The following HMGB1 variants were observed in gnomAD, a reference collection of about 807,000 sequenced individuals.
The protein encoded by HMGB1 is high mobility group box 1, also known as high mobility group protein B1.
For missense variants in HMGB1, 79 were observed against 253.5 expected (o/e 0.31, Z 4.67); for synonymous variants, 81 against 84.0 (o/e 0.96, Z 0.19).
At chr13:30,481,560 G>A (rs945982746) in intron 1 of HMGB1, among the ~76,000 whole-genome samples, 3 of 152,238 alleles carry the variant, frequency 2.0e-5, no homozygotes, top group African/African-American at 7.2e-5. Context: ...TTTCTAAATT[G>A]AGATGCCAAT....
At chr13:30,615,952 G>A (rs1162702309) in intron 1 of HMGB1, among the ~76,000 whole-genome samples, 2 of 152,182 alleles carry the variant, frequency 1.3e-5, no homozygotes, top group Non-Finnish European at 2.9e-5. Flanking sequence ...CTGCTGACAA[G>A]CGATGGACGC....
At chr13:30,505,152 T>TATATATA (rs1566008738) in intron 1 of HMGB1, among the ~76,000 whole-genome samples, 8 of 80,594 alleles carry the variant, frequency 9.9e-5, no homozygotes, top group Middle Eastern at 9.5e-3. Context: ...ATATATATAT[T>TATATATA]TATATATTTG....
chr13:30,472,388 G>C (rs1242433025), intron 1 of HMGB1, among the ~76,000 whole-genome samples: 2 of 152,102 alleles, frequency 1.3e-5, no homozygotes, highest in African/African-American at 4.8e-5. Flanking sequence ...ATAACTTAAG[G>C]TCAGGGGTTT....
chr13:30,553,454 T>C (rs1461190297), intron 1 of HMGB1, among the ~76,000 whole-genome samples: 2 of 152,226 alleles, frequency 1.3e-5, no homozygotes, highest in Non-Finnish European at 2.9e-5. Flanking sequence ...TCAGCCTCAC[T>C]CTCTTCACTT....
intron 1 of HMGB1, among the ~76,000 whole-genome samples, chr13:30,521,979 T>C (rs965685292): frequency 1.3e-5 from 2 of 152,250 alleles, no homozygotes; most frequent in Non-Finnish European, 2.9e-5. Context: ...ACCTGCATTT[T>C]CTCATTTGAT....
chr13:30,560,426 C>T (rs1252980837), intron 1 of HMGB1, among the ~76,000 whole-genome samples: 3 of 152,146 alleles, frequency 2.0e-5, no homozygotes, highest in Non-Finnish European at 4.4e-5. Context: ...GTTGAGTCAT[C>T]AAGCAGGCAT....
At chr13:30,542,595 C>T (rs1455461979) in intron 1 of HMGB1, 1 of 162,746 alleles carries the variant, frequency 6.1e-6, no homozygotes, top group Non-Finnish European at 1.3e-5. Flanking sequence ...CGGCCAATCT[C>T]TCTTCCTCTC....
intron 1 of HMGB1, among the ~76,000 whole-genome samples, chr13:30,605,931 C>T (rs1233959571): frequency 6.6e-6 from 1 of 152,120 alleles, no homozygotes; most frequent in African/African-American, 2.4e-5. Context: ...TAAAATAAGT[C>T]CATTCTCCTA....
intron 1 of HMGB1, among the ~76,000 whole-genome samples, chr13:30,492,994 C>CAAAAAAAA (rs1022752871): frequency 7.4e-5 from 3 of 40,422 alleles, no homozygotes; most frequent in African/African-American, 1.0e-4. Context: ...GACTACATCT[C>CAAAAAAAA]AAAAAAAAAA....
intron 1 of HMGB1, among the ~76,000 whole-genome samples, chr13:30,557,493 C>T (rs78166122): frequency 0.066 from 10,097 of 152,270 alleles, 1,115 homozygotes; most frequent in African/African-American, 0.23. Context: ...CATGTCTCTG[C>T]GGCCCAGTGC....
Position 30,586,646 on chromosome 13 carries a change from C to T in HMGB1, c.-15+30025G>A, listed in dbSNP as rs559480436. Among the ~76,000 whole-genome samples the T allele has an allele frequency of 1.6e-4, 24 of 152,010 alleles. No individual in the cohort carries two copies. The South Asian group carries it at 1.9e-3, about 12-fold the overall frequency. ...GGATTACAGGTGTGTGCCACCATAC[C>T]CAGCTAATTTTTCTATTTTAGTAGA... On this transcript the variant is annotated intron_variant, in intron 1 of 4. Coordinates refer to the HMGB1 transcript ENST00000405805.
intron 1 of HMGB1, among the ~76,000 whole-genome samples, chr13:30,604,530 C>T (rs1173490305): frequency 6.6e-6 from 1 of 152,134 alleles, no homozygotes; most frequent in African/African-American, 2.4e-5. Flanking sequence ...GCCCTTCCCC[C>T]AACATTGCTG....
chr13:30,524,118 C>T lies in HMGB1; in HGVS notation c.-14-60424G>A, dbSNP rs151122879. Among the ~76,000 whole-genome samples, 588 of 151,900 alleles carry T rather than the reference C, an allele frequency of 3.9e-3. 3 individuals are homozygous for T. Among genetic ancestry groups the T allele is most frequent in the Non-Finnish European group, 6.5e-3 (443 of 67,972 alleles). On this transcript the variant is annotated intron_variant, in intron 1 of 4. Transcript: ENST00000405805. ...AAACCAAACACCACATGCTCTCACTCGTAAGGGGGAGTTGAACAATGAGAA... is the reference window on the plus strand; with the variant it reads ...AAACCAAACACCACATGCTCTCACTTGTAAGGGGGAGTTGAACAATGAGAA...
At chr13:30,558,993 T>C (rs1192112754) in intron 1 of HMGB1, among the ~76,000 whole-genome samples, 1 of 152,228 alleles carries the variant, frequency 6.6e-6, no homozygotes, top group Non-Finnish European at 1.5e-5. Flanking sequence ...GGCTCGTGAC[T>C]CACAGTAGGT....
At chr13:30,482,422 G>A (rs1458532523) in intron 1 of HMGB1, among the ~76,000 whole-genome samples, 1 of 152,202 alleles carries the variant, frequency 6.6e-6, no homozygotes, top group East Asian at 1.9e-4. Context: ...GGGGCCAGGA[G>A]GGGGCAGAAA....
chr13:30,461,414 C>A lies in HMGB1; in HGVS notation c.591G>T (p.Glu197Asp), dbSNP rs1225148656. Residue 197 changes from glutamate to aspartate, a missense_variant, in exon 5 of 5, where the codon GAG (glutamate) becomes GAT (aspartate). Transcript: ENST00000341423. ...CATCTTCTTCATCTTCCTCCTCCTC[C>A]TCATCCTCTTCATCTTCCTCATCTT... ...EEEDEEDEED[E>D]EEEEDEEDED... 4 of 1,600,046 alleles carry A rather than the reference C, an allele frequency of 2.5e-6. No individual in the cohort carries two copies. Among genetic ancestry groups the A allele is most frequent in the Non-Finnish European group, 3.4e-6 (4 of 1,175,020 alleles).
At chr13:30,487,425 T>A (rs1159099191) in intron 1 of HMGB1, among the ~76,000 whole-genome samples, 1 of 152,252 alleles carries the variant, frequency 6.6e-6, no homozygotes, top group African/African-American at 2.4e-5. Context: ...CTGTTTCACG[T>A]ATCCTTTCCT....
chr13:30,515,383 C>T (rs1436032067), intron 1 of HMGB1, among the ~76,000 whole-genome samples: 1 of 152,202 alleles, frequency 6.6e-6, no homozygotes, highest in Non-Finnish European at 1.5e-5. Context: ...ACCTACACAA[C>T]TGTGTGCTAA....
Position 30,463,513 on chromosome 13 carries a change from T to C in HMGB1, c.150+18A>G, listed in dbSNP as rs377254376. The C allele has an allele frequency of 3.1e-6, 5 of 1,599,826 alleles. No individual in the cohort carries two copies. Among genetic ancestry groups the C allele is most frequent in the African/African-American group, 1.3e-5 (1 of 74,174 alleles). ...CTGTCTTTTAATTACCTTGTTAGCATGTTTTAAGCCCTCTTACCTTCCACC... is the reference window on the plus strand; with the variant it reads ...CTGTCTTTTAATTACCTTGTTAGCACGTTTTAAGCCCTCTTACCTTCCACC... On this transcript the variant is annotated intron_variant, in intron 2 of 4. Transcript: ENST00000341423.
Sources: gnomAD v4.1 joint callset for allele counts (sites outside exome capture counted in the v4.1 genomes callset) on GRCh38, gnomAD v4.1.1 for gene constraint, MANE v1.5 for transcripts, NCBI Gene and HGNC (gene_info 2026-07-23, HGNC 2026-07-21) for gene names.